CNTNAP2: variants seen among roughly 807,000 people sequenced by gnomAD.
CNTNAP2 encodes the protein contactin associated protein 2.
Under a neutral mutation model 155.2 loss-of-function variants are expected in CNTNAP2, and 98 were observed. The ratio of observed to expected loss-of-function variants is 0.63; its 90% confidence interval spans 0.54 to 0.75. CNTNAP2 has a LOEUF of 0.75. Ranked by LOEUF, CNTNAP2 falls within the 30% of genes least tolerant of loss-of-function variation. The pLI is 0.00. For missense variants in CNTNAP2, 1,727 were observed against 1,688.1 expected, an observed-to-expected ratio of 1.02 and a Z score of -0.40; for synonymous variants, 651 against 631.2, an observed-to-expected ratio of 1.03 and a Z score of -0.47.
intron 1 of CNTNAP2, among the ~76,000 whole-genome samples, chr7:146,362,730 G>A (rs189010475): frequency 6.7e-6 from 1 of 149,014 alleles, no homozygotes; most frequent in East Asian, 2.0e-4. Context: ...CTGAATTATA[G>A]CAAAAATAGC....
chr7:147,108,945 G>T (rs531652386), intron 5 of CNTNAP2, among the ~76,000 whole-genome samples: 4 of 152,136 alleles, frequency 2.6e-5, no homozygotes, highest in African/African-American at 4.8e-5. Context: ...GAAGGATGCC[G>T]CCGTGCATAA....
intron 18 of CNTNAP2, among the ~76,000 whole-genome samples, chr7:148,211,498 C>G (rs1466971412): frequency 6.6e-6 from 1 of 152,206 alleles, no homozygotes. Flanking sequence ...GACCTCGCTT[C>G]TCAGCTCCTT....
At chr7:146,742,354 C>G (rs961266442) in intron 1 of CNTNAP2, among the ~76,000 whole-genome samples, 12 of 152,098 alleles carry the variant, frequency 7.9e-5, no homozygotes, top group African/African-American at 2.9e-4. Context: ...AGTATGTTCA[C>G]CTTTAGCCTT....
At chr7:146,315,980 G>A (rs1031965819) in intron 1 of CNTNAP2, among the ~76,000 whole-genome samples, 1 of 152,070 alleles carries the variant, frequency 6.6e-6, no homozygotes, top group African/African-American at 2.4e-5. Context: ...AGACATAACT[G>A]CTTATTTCTT....
At chr7:148,326,729 G>T (rs547009973) in intron 21 of CNTNAP2, among the ~76,000 whole-genome samples, 2 of 152,084 alleles carry the variant, frequency 1.3e-5, no homozygotes, top group Non-Finnish European at 2.9e-5. Flanking sequence ...GCCGGGCATG[G>T]TGGTGGGCAC....
intron 1 of CNTNAP2, among the ~76,000 whole-genome samples, chr7:146,692,109 A>C (rs1162702684): frequency 6.6e-6 from 1 of 152,114 alleles, no homozygotes; most frequent in Non-Finnish European, 1.5e-5. Flanking sequence ...TAATGGGCAC[A>C]TTTATGTTTT....
In CNTNAP2 at chr7:148,037,587, C is replaced by T. The variant is rs117648616; in HGVS notation, c.2383+59598C>T. Among the ~76,000 whole-genome samples the T allele has an allele frequency of 7.7e-3, 1,165 of 152,266 alleles. 2 individuals are homozygous for T. Among genetic ancestry groups the T allele is most frequent in the South Asian group, 0.015 (72 of 4,822 alleles). ...ATAAATACAGTAGTCCCCCCTTGTC[C>T]GTGGTTTTGCTTTCTGCAATTTCAG... On this transcript the variant is annotated intron_variant, in intron 15 of 23. Transcript: ENST00000361727.
At chr7:146,626,238 G>T (rs1222881004) in intron 1 of CNTNAP2, among the ~76,000 whole-genome samples, 2 of 151,962 alleles carry the variant, frequency 1.3e-5, no homozygotes, top group Non-Finnish European at 2.9e-5. Context: ...AAAGCAAAAT[G>T]GTATTTCACC....
rs1271698111 is a variant in CNTNAP2 at position 148,418,485 on chromosome 7, G to A, written c.*2869G>A. 1.3e-5 allele frequency: 2 copies of A among 151,670 alleles called. No individual in the cohort carries two copies. The highest frequency in any genetic ancestry group is 2.9e-5 in the Non-Finnish European group (2 of 68,038). The allele number at this position is 151,670 out of a possible 1,614,324, so 9.4% of individuals were successfully genotyped here. On this transcript the variant is annotated 3_prime_UTR_variant, in exon 24 of 24. Transcript: ENST00000361727. ...TGTTTTAAAGTTTCAGGGAAAGTTG[G>A]TGGCTGATTTAAAGTTGTGCAGGAA...
intron 9 of CNTNAP2, among the ~76,000 whole-genome samples, chr7:147,315,901 C>T (rs2692163): frequency 6.6e-6 from 1 of 151,698 alleles, no homozygotes. Flanking sequence ...TGTAACAGTA[C>T]TTTATCCCTA....
chr7:148,328,740 C>CCACTGT (rs1178694540), intron 21 of CNTNAP2, among the ~76,000 whole-genome samples: 1 of 150,898 alleles, frequency 6.6e-6, no homozygotes, highest in Non-Finnish European at 1.5e-5. Flanking sequence ...GAGGCCGAGG[C>CCACTGT]GGGTGGATCA....
At chr7:148,231,943 A>G (rs1264240137) in intron 20 of CNTNAP2, among the ~76,000 whole-genome samples, 1 of 152,162 alleles carries the variant, frequency 6.6e-6, no homozygotes, top group Admixed American at 6.5e-5. Flanking sequence ...AGGAGAGGAG[A>G]AAAACCTGGG....
chr7:148,291,526 T>C (rs985348755), intron 21 of CNTNAP2, among the ~76,000 whole-genome samples: 1 of 152,006 alleles, frequency 6.6e-6, no homozygotes, highest in African/African-American at 2.4e-5. Flanking sequence ...TCTGCCTGCT[T>C]GTATTCTAGC....
chr7:146,634,845 A>C (rs1799571720), intron 1 of CNTNAP2, among the ~76,000 whole-genome samples: 1 of 152,176 alleles, frequency 6.6e-6, no homozygotes, highest in African/African-American at 2.4e-5. Flanking sequence ...GTTTTTTGTC[A>C]CTCATTCCAA....
At chr7:147,031,966 C>T (rs549295311) in intron 3 of CNTNAP2, among the ~76,000 whole-genome samples, 1 of 152,232 alleles carries the variant, frequency 6.6e-6, no homozygotes, top group South Asian at 2.1e-4. Flanking sequence ...AAAGTGTATA[C>T]ACACGGTGAG....
intron 3 of CNTNAP2, among the ~76,000 whole-genome samples, chr7:146,942,939 C>T (rs1419008848): frequency 6.6e-6 from 1 of 152,106 alleles, no homozygotes; most frequent in African/African-American, 2.4e-5. Context: ...TCTATTACAA[C>T]ATAATTTATC....
chr7:147,485,213 A>G (rs1798490000), intron 10 of CNTNAP2, among the ~76,000 whole-genome samples: 1 of 152,224 alleles, frequency 6.6e-6, no homozygotes, highest in Non-Finnish European at 1.5e-5. Flanking sequence ...CTTCATGAAC[A>G]TTATCCTCAA....
chr7:147,149,263 A>G (rs1177610229), intron 8 of CNTNAP2, among the ~76,000 whole-genome samples: 5 of 152,052 alleles, frequency 3.3e-5, no homozygotes, highest in Non-Finnish European at 5.9e-5. Flanking sequence ...ATGCATTTAC[A>G]ATCCTTTAGC....
chr7:147,982,132 G>A (rs1181178117), intron 15 of CNTNAP2, among the ~76,000 whole-genome samples: 1 of 152,028 alleles, frequency 6.6e-6, no homozygotes, highest in Admixed American at 6.6e-5. Context: ...CTTTTTGGAG[G>A]TAGAAATCTC....
Sources: allele counts gnomAD v4.1 joint callset (sites outside exome capture counted in the v4.1 genomes callset), GRCh38; gene constraint gnomAD v4.1.1; transcripts MANE v1.5; gene names NCBI Gene and HGNC (gene_info 2026-07-23, HGNC 2026-07-21).